Variants in PARD3 observed in about 807,000 individuals in gnomAD.
PARD3 encodes par-3 family cell polarity regulator.
PARD3 carries 75 observed loss-of-function variants against 155.4 expected under a neutral mutation model. The observed-to-expected ratio is 0.48, with a 90% CI of 0.40 to 0.58. PARD3 has a LOEUF of 0.58. Among genes scored for constraint, PARD3 ranks in the 20% least tolerant of loss-of-function variants. The pLI is 0.00. For missense variants in PARD3, 1,642 were observed against 1,721.7 expected, an observed-to-expected ratio of 0.95 and a Z score of 0.82; for synonymous variants, 576 against 610.5, an observed-to-expected ratio of 0.94 and a Z score of 0.83.
At chr10:34,532,135 G>T (rs773946) in intron 2 of PARD3, among the ~76,000 whole-genome samples, 82,771 of 151,974 alleles carry the variant, frequency 0.54, 25,593 homozygotes, top group African/African-American at 0.86. Flanking sequence ...TGTGTATATG[G>T]ACGTTTTGAT....
intron 5 of PARD3, among the ~76,000 whole-genome samples, chr10:34,446,738 T>C (rs952522536): frequency 2.0e-5 from 3 of 152,204 alleles, no homozygotes; most frequent in African/African-American, 4.8e-5. Flanking sequence ...ACACTTAATA[T>C]ATGACAAAAT....
chr10:34,367,470 C>A (rs771324600), intron 12 of PARD3, among the ~76,000 whole-genome samples: 16 of 152,192 alleles, frequency 1.1e-4, no homozygotes, highest in Non-Finnish European at 2.1e-4. Flanking sequence ...CTTTGGGAGG[C>A]AGAGGCGGGC....
chr10:34,361,962 G>C (rs533397268), intron 12 of PARD3, among the ~76,000 whole-genome samples: 8 of 152,314 alleles, frequency 5.3e-5, no homozygotes, highest in African/African-American at 1.9e-4. Flanking sequence ...CCTTAAGCCT[G>C]CTCATCATAA....
intron 2 of PARD3, among the ~76,000 whole-genome samples, chr10:34,651,624 C>T (rs772230825): frequency 6.6e-6 from 1 of 152,174 alleles, no homozygotes; most frequent in Non-Finnish European, 1.5e-5. Context: ...AAAGGCCAGG[C>T]CATGCTGGTT....
chr10:34,383,887 T>C (rs1842095622), intron 8 of PARD3, among the ~76,000 whole-genome samples: 3 of 152,110 alleles, frequency 2.0e-5, no homozygotes, highest in African/African-American at 4.8e-5. Flanking sequence ...ACCAGCAAAA[T>C]TGTAAAGTTG....
intron 5 of PARD3, among the ~76,000 whole-genome samples, chr10:34,408,322 A>C (rs1844707506): frequency 6.6e-6 from 1 of 152,172 alleles, no homozygotes; most frequent in African/African-American, 2.4e-5. Context: ...ATGAGTTCAA[A>C]TATATTGCTA....
chr10:34,274,549 C>T (rs1955783973), intron 21 of PARD3, among the ~76,000 whole-genome samples: 1 of 152,146 alleles, frequency 6.6e-6, no homozygotes, highest in South Asian at 2.1e-4. Flanking sequence ...GATATTTGGT[C>T]ACCATTCATC....
chr10:34,561,503 CATTTATTTTTTTTTAATTT>C (rs1355778121), intron 2 of PARD3, among the ~76,000 whole-genome samples: 1 of 151,908 alleles, frequency 6.6e-6, no homozygotes, highest in East Asian at 1.9e-4. Context: ...CTGTAACGCA[CATTTATTTTTTTTTAATTT>C]ATTTATTTTT....
rs1034420478 is a variant in PARD3 at position 34,288,867 on chromosome 10, C to T, written c.3066-4622G>A. ...AACGTTCAAAGAGAAAACTTTACTA[C>T]CCAGCAGGTGTCAGGCTGAAAGGTA... On this transcript the variant is annotated intron_variant, in intron 20 of 24. Transcript: ENST00000374788. Among the ~76,000 whole-genome samples, 7 of 152,298 alleles carry T rather than the reference C, an allele frequency of 4.6e-5. No individual in the cohort carries two copies. The South Asian group carries it at 1.0e-3, about 23-fold the overall frequency.
chr10:34,809,213 G>T (rs1166524530), intron 1 of PARD3, among the ~76,000 whole-genome samples: 1 of 152,190 alleles, frequency 6.6e-6, no homozygotes, highest in Non-Finnish European at 1.5e-5. Context: ...CAGCAGAAGT[G>T]TATTTTTTGT....
intron 4 of PARD3, among the ~76,000 whole-genome samples, chr10:34,468,433 C>G (rs74132020): frequency 0.031 from 4,677 of 152,262 alleles, 242 homozygotes; most frequent in African/African-American, 0.11. Context: ...TTTTTTTAAA[C>G]TGCCAGCTTG....
chr10:34,658,023 G>A (rs1444579244), intron 2 of PARD3, among the ~76,000 whole-genome samples: 1 of 152,014 alleles, frequency 6.6e-6, no homozygotes, highest in Non-Finnish European at 1.5e-5. Context: ...GCAGGCACCT[G>A]TAGTCCCAGC....
At chr10:34,538,145 C>T (rs1235056677) in intron 2 of PARD3, among the ~76,000 whole-genome samples, 2 of 152,188 alleles carry the variant, frequency 1.3e-5, no homozygotes, top group Non-Finnish European at 2.9e-5. Flanking sequence ...GACTCCGTCT[C>T]AAAAATAAAT....
intron 24 of PARD3, among the ~76,000 whole-genome samples, chr10:34,116,920 G>A (rs1038755305): frequency 6.6e-6 from 1 of 152,210 alleles, no homozygotes; most frequent in African/African-American, 2.4e-5. Context: ...AGGCGGAGAA[G>A]GGAAGAGATG....
chr10:34,605,849 A>C (rs1159920862), intron 2 of PARD3, among the ~76,000 whole-genome samples: 1 of 81,498 alleles, frequency 1.2e-5, no homozygotes, highest in African/African-American at 5.9e-5. Flanking sequence ...CTATATATAT[A>C]TATCTCCTAT....
chr10:34,693,787 C>T (rs1356028827), intron 2 of PARD3, among the ~76,000 whole-genome samples: 1 of 152,128 alleles, frequency 6.6e-6, no homozygotes. Flanking sequence ...GCTATAATTA[C>T]ACCACTGCAC....
intron 22 of PARD3, among the ~76,000 whole-genome samples, chr10:34,222,685 C>G (rs1260672081): frequency 6.6e-6 from 1 of 152,222 alleles, no homozygotes; most frequent in Non-Finnish European, 1.5e-5. Flanking sequence ...AGAACTGGAT[C>G]AGCACTTTAC....
chr10:34,615,068 C>T (rs1379235303), intron 2 of PARD3, among the ~76,000 whole-genome samples: 1 of 151,870 alleles, frequency 6.6e-6, no homozygotes, highest in East Asian at 1.9e-4. Context: ...GTAGTCCCAG[C>T]TACTTGGGAG....
At chr10:34,206,390 G>A (rs1951482220) in intron 22 of PARD3, among the ~76,000 whole-genome samples, 1 of 152,250 alleles carries the variant, frequency 6.6e-6, no homozygotes, top group South Asian at 2.1e-4. Flanking sequence ...GGCGGCGTTT[G>A]CCTGGAGTGA....
Sources: allele counts gnomAD v4.1 joint callset (sites outside exome capture counted in the v4.1 genomes callset), GRCh38; gene constraint gnomAD v4.1.1; transcripts MANE v1.5; gene names NCBI Gene and HGNC (gene_info 2026-07-23, HGNC 2026-07-21).